Variants in MAPT observed in about 807,000 individuals in gnomAD.
The protein encoded by MAPT is microtubule associated protein tau, also known as microtubule-associated protein tau.
MAPT carries 34 observed loss-of-function variants against 67.9 expected under a neutral mutation model. That is an observed-to-expected ratio of 0.50 (90% CI 0.38 to 0.67). MAPT has a LOEUF of 0.67. Among genes scored for constraint, MAPT ranks in the 30% least tolerant of loss-of-function variants. The probability of loss-of-function intolerance (pLI) is 0.00; values close to 1 mark genes in which losing one functional copy is unlikely to be tolerated. For missense variants in MAPT, 881 were observed against 1,115.2 expected, an observed-to-expected ratio of 0.79 and a Z score of 2.99; for synonymous variants, 456 against 464.5, an observed-to-expected ratio of 0.98 and a Z score of 0.23.
chr17:46,019,814 C>A (rs181114542), intron 12 of MAPT, among the ~76,000 whole-genome samples: 5 of 151,620 alleles, frequency 3.3e-5, no homozygotes, highest in African/African-American at 1.2e-4. Context: ...GAGTTCAAGA[C>A]CAGCCTGGCC....
chr17:45,904,448 C>G (rs2064154776), intron 1 of MAPT, among the ~76,000 whole-genome samples: 1 of 129,014 alleles, frequency 7.8e-6, no homozygotes, highest in Non-Finnish European at 1.6e-5. Context: ...CACTTGTAAT[C>G]CCAGCACTGT....
At chr17:45,974,400 T>C in intron 3 of MAPT, 1 of 1,608,942 alleles carries the variant, frequency 6.2e-7, no homozygotes, top group Non-Finnish European at 8.5e-7. Flanking sequence ...ACAGCACCCT[T>C]AGTGGATGAG....
At chr17:45,974,501 A>G (rs2072105363) in intron 3 of MAPT, 1 of 1,558,342 alleles carries the variant, frequency 6.4e-7, no homozygotes, top group South Asian at 1.2e-5. Context: ...ACCCCCAGGC[A>G]GTCAAGGCCC....
In MAPT at chr17:45,915,745, T is replaced by G. The variant is rs1174067916; in HGVS notation, c.-18+21059T>G. 3.3e-5 allele frequency among the ~76,000 whole-genome samples: 5 copies of G among 151,990 alleles called. No individual in the cohort carries two copies. Among genetic ancestry groups the G allele is most frequent in the Non-Finnish European group, 7.4e-5 (5 of 67,982 alleles). ...CTAGTGTGCTGAAGTATCTACTCCTTGTCATAGTCTGTGACAACCCAGACT... is the reference window on the plus strand; with the variant it reads ...CTAGTGTGCTGAAGTATCTACTCCTGGTCATAGTCTGTGACAACCCAGACT... On this transcript the variant is annotated intron_variant, in intron 1 of 12. Coordinates refer to ENST00000262410, the MANE Select transcript of MAPT (RefSeq NM_001377265.1). The surrounding 1 kb of genome is among the most constrained non-coding windows in gnomAD (Gnocchi z 4.4).
chr17:46,006,337 A>G (rs560016745), intron 9 of MAPT, among the ~76,000 whole-genome samples: 1 of 152,366 alleles, frequency 6.6e-6, no homozygotes, highest in East Asian at 1.9e-4. Flanking sequence ...TAAGCCAGAC[A>G]GAAGGACAGA....
chr17:45,903,794 A>T (rs2063797446), intron 1 of MAPT, among the ~76,000 whole-genome samples: 1 of 68,374 alleles, frequency 1.5e-5, no homozygotes, highest in African/African-American at 5.1e-5. Flanking sequence ...AATATAATAT[A>T]TATATTTATA....
rs769901930 is a variant in MAPT at position 45,978,386 on chromosome 17, G to A, written c.232G>A (p.Gly78Ser). The change falls in exon 4 of 13, where the codon GGC becomes AGC. Residue 78 changes from glycine to serine, a missense_variant. Physicochemically the swap from Gly to Ser is moderately conservative, Grantham distance 56. Coordinates refer to ENST00000262410, the MANE Select transcript of MAPT (RefSeq NM_001377265.1). Reference sequence around the variant, plus strand: ...GACACATACACCAGCTGAAGAAGCAGGCATTGGAGACACCCCCAGCCTGGA... The same window carrying A: ...GACACATACACCAGCTGAAGAAGCAAGCATTGGAGACACCCCCAGCCTGGA... ...STPTAEAEEA[G>S]IGDTPSLEDE... is the part of the protein sequence containing the mutation. 40 of 1,613,704 alleles carry A rather than the reference G, an allele frequency of 2.5e-5. No individual in the cohort carries two copies. Among genetic ancestry groups the A allele is most frequent in the Non-Finnish European group, 3.3e-5 (39 of 1,179,954 alleles).
At chr17:45,997,447 C>T (rs1431596609) in intron 9 of MAPT, among the ~76,000 whole-genome samples, 1 of 152,202 alleles carries the variant, frequency 6.6e-6, no homozygotes, top group African/African-American at 2.4e-5. Flanking sequence ...TAGCTCTGCG[C>T]ATGCTCATCT....
chr17:45,989,893 T>C lies in MAPT; in HGVS notation c.1423T>C (p.Ser475Pro), dbSNP rs2073925847. ...DKKAKTSTRS[S>P]AKTLKNRPCL... ...TATGTTTAAGACATCCACACGTTCC[T>C]CTGCTAAAACCTTGAAAAATAGGCC... is the stretch of plus-strand genomic sequence containing the variant. Residue 475 changes from serine (S) to proline (P), a missense_variant, in exon 7 of 13, where the codon TCT becomes CCT. Ser to Pro is a moderately conservative substitution (Grantham distance 74). Transcript: ENST00000262410. 2 of 1,614,084 alleles carry C rather than the reference T, an allele frequency of 1.2e-6. No homozygotes were observed. Among genetic ancestry groups the C allele is most frequent in the Non-Finnish European group, 8.5e-7 (1 of 1,180,010 alleles).
chr17:45,946,564 A>G (rs2068497867), intron 1 of MAPT, among the ~76,000 whole-genome samples: 1 of 143,184 alleles, frequency 7.0e-6, no homozygotes, highest in African/African-American at 2.6e-5. Context: ...GCACCACCAC[A>G]CTCCAGCCTG....
intron 8 of MAPT, among the ~76,000 whole-genome samples, chr17:45,992,205 T>G (rs771247519): frequency 3.3e-5 from 5 of 151,942 alleles, no homozygotes; most frequent in Non-Finnish European, 7.4e-5. Flanking sequence ...CTTGACTGAG[T>G]CTAACCAGCT....
At chr17:45,911,175 TC>T (rs1346091179) in intron 1 of MAPT, among the ~76,000 whole-genome samples, 4 of 152,236 alleles carry the variant, frequency 2.6e-5, no homozygotes, top group African/African-American at 9.6e-5. Flanking sequence ...TCTTTGGGCT[TC>T]CCCAGGGATC....
At chr17:45,909,413 G>C (rs1362673802) in intron 1 of MAPT, among the ~76,000 whole-genome samples, 2 of 152,140 alleles carry the variant, frequency 1.3e-5, no homozygotes, top group African/African-American at 4.8e-5. Context: ...GATCCAATCT[G>C]GACTAATTAG....
chr17:45,977,520 CT>C (rs2145562838), intron 3 of MAPT: 1 of 152,372 alleles, frequency 6.6e-6, no homozygotes, highest in East Asian at 1.9e-4. Flanking sequence ...ATTGCGTGCA[CT>C]GTCCTGTAAC....
At chr17:45,937,510 G>T (rs905647105) in intron 1 of MAPT, among the ~76,000 whole-genome samples, 1 of 151,510 alleles carries the variant, frequency 6.6e-6, no homozygotes. Flanking sequence ...AGGATTGCTT[G>T]AGCCCAAGAG....
rs540249632 is a variant in MAPT, at chr17:45,993,803, G to T, written c.1732+2217G>T. On this transcript the variant is annotated intron_variant, in intron 8 of 12. Transcript: ENST00000262410. The stretch of plus-strand genomic sequence containing the variant: ...AGAGACCCTCCCCCTTGGGCCCCTC[G>T]ACCTTGTTTCAGAATGGGGCCCCTG... 4 of 965,792 alleles carry T rather than the reference G, an allele frequency of 4.1e-6. No homozygotes were observed. In the South Asian group the frequency reaches 4.2e-5, roughly 10 times the overall value. 59.8% of individuals were successfully genotyped at this position (965,792 alleles called of 1,614,324 possible).
intron 1 of MAPT, among the ~76,000 whole-genome samples, chr17:45,952,136 A>G (rs566119787): frequency 2.7e-5 from 4 of 147,534 alleles, no homozygotes; most frequent in African/African-American, 7.3e-5. Flanking sequence ...CCTCAAGGGC[A>G]TGCTTATTGA....
intron 1 of MAPT, among the ~76,000 whole-genome samples, chr17:45,930,417 A>G (rs1022861121): frequency 6.6e-6 from 1 of 152,034 alleles, no homozygotes; most frequent in Non-Finnish European, 1.5e-5. Flanking sequence ...CAAAAAAAAA[A>G]AAAAAAAGAA....
In MAPT at chr17:46,024,412, T is replaced by TAA; in HGVS notation, c.*249_*250dup. The TAA allele has an allele frequency of 1.8e-6, 1 of 569,490 alleles. No individual in the cohort carries two copies. The highest frequency in any genetic ancestry group is 3.1e-6 in the Non-Finnish European group (1 of 318,580). The allele number at this position is 569,490 out of a possible 1,614,324, so 35.3% of individuals were successfully genotyped here. A position where few individuals can be genotyped will look rare whatever the true frequency, so the allele number is the denominator to read the frequency against. On this transcript the variant is annotated 3_prime_UTR_variant, in exon 13 of 13. Coordinates refer to ENST00000262410, the MANE Select transcript of MAPT (RefSeq NM_001377265.1). ...ATGGGTGGGCTAGTAATAAAATATT[T>TAA]AAAAAAAAACATTCAAAAACATGGC... is the stretch of plus-strand genomic sequence containing the variant.
Sources: gnomAD v4.1 joint callset for allele counts (sites outside exome capture counted in the v4.1 genomes callset) on GRCh38, gnomAD v4.1.1 for gene constraint, Gnocchi (gnomAD v3.1) non-coding constraint, MANE v1.5 for transcripts, NCBI Gene and HGNC (gene_info 2026-07-23, HGNC 2026-07-21) for gene names.